LUZP2: variants seen among roughly 807,000 people sequenced by gnomAD.
LUZP2 encodes the protein leucine zipper protein 2.
A neutral mutation model predicts 51.6 loss-of-function variants in LUZP2; 52 were observed. The ratio of observed to expected loss-of-function variants is 1.01; its 90% CI spans 0.81 to 1.27. The LOEUF (loss-of-function observed/expected upper bound fraction) is 1.27. Ranked by LOEUF, LUZP2 falls within the 50% of genes most tolerant of loss-of-function variation. The probability of loss-of-function intolerance (pLI) is 0.00; values close to 1 mark genes in which losing one functional copy is unlikely to be tolerated. For synonymous variants in LUZP2, 154 were observed against 137.3 expected (o/e 1.12, Z -0.85); for missense variants, 436 against 395.4 (o/e 1.10, Z -0.87).
At chr11:24,699,660 T>TATATATACACACACAC (rs1470252549) in intron 1 of LUZP2, among the ~76,000 whole-genome samples, 18 of 147,602 alleles carry the variant, frequency 1.2e-4, no homozygotes, top group African/African-American at 3.7e-4. Flanking sequence ...TGGCCATATA[T>TATATATACACACACAC]ATATATACAC....
chr11:24,785,012 C>G (rs1849201905), intron 5 of LUZP2, among the ~76,000 whole-genome samples: 1 of 152,032 alleles, frequency 6.6e-6, no homozygotes, highest in Admixed American at 6.6e-5. Flanking sequence ...TTCCACAGAT[C>G]TGTGGAAGTG....
At chr11:24,868,714 A>T (rs1221145905) in intron 5 of LUZP2, among the ~76,000 whole-genome samples, 1 of 152,166 alleles carries the variant, frequency 6.6e-6, no homozygotes, top group Non-Finnish European at 1.5e-5. Flanking sequence ...AACATAAATT[A>T]AAAATCTCCC....
chr11:24,829,561 C>G (rs1452232660), intron 5 of LUZP2, among the ~76,000 whole-genome samples: 1 of 152,062 alleles, frequency 6.6e-6, no homozygotes, highest in Non-Finnish European at 1.5e-5. Context: ...TACTCTGTTG[C>G]ACAAAGAGGG....
At chr11:25,056,909 G>A (rs1324816422) in intron 10 of LUZP2, among the ~76,000 whole-genome samples, 2 of 152,146 alleles carry the variant, frequency 1.3e-5, no homozygotes, top group African/African-American at 2.4e-5. Context: ...GACCATCCTG[G>A]CTAACATGGT....
chr11:24,843,287 T>A (rs1056258349), intron 5 of LUZP2, among the ~76,000 whole-genome samples: 2 of 152,108 alleles, frequency 1.3e-5, no homozygotes, highest in African/African-American at 4.8e-5. Flanking sequence ...TAGACGTATG[T>A]TTTACCAAAA....
chr11:24,789,718 T>C (rs1435052493), intron 5 of LUZP2, among the ~76,000 whole-genome samples: 4 of 152,198 alleles, frequency 2.6e-5, no homozygotes, highest in Non-Finnish European at 5.9e-5. Context: ...TGAGGTCTGA[T>C]GAGGACTCAC....
chr11:24,608,621 G>A (rs574889095), intron 1 of LUZP2, among the ~76,000 whole-genome samples: 2 of 152,130 alleles, frequency 1.3e-5, no homozygotes, highest in Non-Finnish European at 2.9e-5. Flanking sequence ...AGTTGTGATT[G>A]TAAGTTTAGT....
chr11:24,754,609 A>C (rs1468547961), intron 4 of LUZP2, among the ~76,000 whole-genome samples: 2 of 152,182 alleles, frequency 1.3e-5, no homozygotes, highest in Non-Finnish European at 2.9e-5. Context: ...TCATAAAAGC[A>C]ATCCCATTTG....
intron 5 of LUZP2, among the ~76,000 whole-genome samples, chr11:24,771,343 C>A (rs1241282924): frequency 6.7e-6 from 1 of 148,574 alleles, no homozygotes; most frequent in Non-Finnish European, 1.5e-5. Context: ...ATGGAGTACT[C>A]AATAGTGTGT....
chr11:24,637,301 C>T (rs1196330325), intron 1 of LUZP2, among the ~76,000 whole-genome samples: 1 of 151,796 alleles, frequency 6.6e-6, no homozygotes, highest in Non-Finnish European at 1.5e-5. Context: ...TCTTTAATCT[C>T]TTAATCCCAT....
chr11:24,733,751 A>G (rs879548472), intron 3 of LUZP2, among the ~76,000 whole-genome samples: 8 of 140,968 alleles, frequency 5.7e-5, no homozygotes, highest in African/African-American at 1.8e-4. Context: ...TTAAAAAAAA[A>G]TTTTAAAAAA....
At chr11:24,614,038 T>C (rs1854209041) in intron 1 of LUZP2, among the ~76,000 whole-genome samples, 1 of 152,022 alleles carries the variant, frequency 6.6e-6, no homozygotes, top group African/African-American at 2.4e-5. Flanking sequence ...CTCTTGCTAC[T>C]CTAAACTCAT....
At chr11:25,009,372 T>C (rs1590829891) in intron 9 of LUZP2, among the ~76,000 whole-genome samples, 1 of 152,204 alleles carries the variant, frequency 6.6e-6, no homozygotes, top group South Asian at 2.1e-4. Context: ...GTTATGTCCA[T>C]AAATAATTAT....
At chr11:24,772,437 C>T (rs755029692) in intron 5 of LUZP2, among the ~76,000 whole-genome samples, 3 of 151,992 alleles carry the variant, frequency 2.0e-5, no homozygotes, top group African/African-American at 4.8e-5. Context: ...GAGTTTGAGT[C>T]GAATATTTAC....
At chr11:24,870,878 G>A (rs546642690) in intron 5 of LUZP2, among the ~76,000 whole-genome samples, 1 of 152,152 alleles carries the variant, frequency 6.6e-6, no homozygotes, top group South Asian at 2.1e-4. Context: ...TAGGCTAAAT[G>A]TAAGGAGAAA....
chr11:24,554,107 T>C (rs549117352), intron 1 of LUZP2, among the ~76,000 whole-genome samples: 7 of 152,290 alleles, frequency 4.6e-5, no homozygotes, highest in Non-Finnish European at 8.8e-5. Context: ...GAGTTTTAGC[T>C]CCCATATCCC....
intron 9 of LUZP2, among the ~76,000 whole-genome samples, chr11:25,030,450 T>C (rs1857611151): frequency 6.6e-6 from 1 of 152,056 alleles, no homozygotes; most frequent in South Asian, 2.1e-4. Context: ...TAGAAGTGAG[T>C]TGTAAGATCA....
chr11:24,555,586 A>G (rs1424837507), intron 1 of LUZP2, among the ~76,000 whole-genome samples: 2 of 152,200 alleles, frequency 1.3e-5, no homozygotes, highest in African/African-American at 4.8e-5. Context: ...CTAATTACAC[A>G]GAAGGATCAA....
At chr11:24,689,823 G>A (rs1183332706) in intron 1 of LUZP2, among the ~76,000 whole-genome samples, 1 of 151,854 alleles carries the variant, frequency 6.6e-6, no homozygotes. Context: ...TTTTCATAAC[G>A]CTTTCCATTG....
Sources: allele counts gnomAD v4.1 joint callset (sites outside exome capture counted in the v4.1 genomes callset), GRCh38; gene constraint gnomAD v4.1.1; transcripts MANE v1.5; gene names NCBI Gene and HGNC (gene_info 2026-07-23, HGNC 2026-07-21).